The following ADAM23 variants were observed in gnomAD, a reference collection of about 807,000 sequenced individuals.
ADAM23 encodes the protein ADAM metallopeptidase domain 23, also known as disintegrin and metalloproteinase domain-containing protein 23.
In ADAM23, 33 loss-of-function variants were observed where a neutral mutation model predicts 120.1. The observed-to-expected ratio is 0.27, with a 90% CI of 0.21 to 0.37. ADAM23 has a LOEUF of 0.37. Ranked by LOEUF, ADAM23 falls within the 10% of genes least tolerant of loss-of-function variation. The pLI is 1.00. For synonymous variants in ADAM23, 367 were observed against 375.2 expected, an observed-to-expected ratio of 0.98 and a Z score of 0.25; for missense variants, 862 against 1,058.2, an observed-to-expected ratio of 0.81 and a Z score of 2.57.
chr2:206,455,633 T>C (rs1338733309), intron 2 of ADAM23, among the ~76,000 whole-genome samples: 1 of 152,210 alleles, frequency 6.6e-6, no homozygotes, highest in African/African-American at 2.4e-5. Context: ...TTCACGCATA[T>C]GGGCACATAC....
intron 3 of ADAM23, among the ~76,000 whole-genome samples, chr2:206,487,254 T>C (rs1450868768): frequency 6.6e-6 from 1 of 152,166 alleles, no homozygotes; most frequent in Non-Finnish European, 1.5e-5. Flanking sequence ...GAACTTATGA[T>C]CTGGTGAGAG....
At chr2:206,523,740 G>T (rs1696891702) in intron 3 of ADAM23, among the ~76,000 whole-genome samples, 1 of 152,048 alleles carries the variant, frequency 6.6e-6, no homozygotes, top group African/African-American at 2.4e-5. Context: ...TAGGATACAA[G>T]CTTATGTTTA....
intron 18 of ADAM23, among the ~76,000 whole-genome samples, chr2:206,576,853 T>G (rs1698125926): frequency 6.6e-6 from 1 of 152,178 alleles, no homozygotes; most frequent in African/African-American, 2.4e-5. Flanking sequence ...ATACAGATAT[T>G]TGAAAGATAG....
At position 206,443,910 on chromosome 2, in the gene ADAM23, G is replaced by T; in HGVS notation, c.44G>T (p.Gly15Val). 2 of 1,206,322 alleles carry T rather than the reference G, an allele frequency of 1.7e-6. No individual in the cohort carries two copies. The highest frequency in any genetic ancestry group is 2.1e-6 in the Non-Finnish European group (2 of 974,548). The allele number at this position is 1,206,322 out of a possible 1,614,324, so 74.7% of individuals were successfully genotyped here. A position where few individuals can be genotyped will look rare whatever the true frequency, so the allele number is the denominator to read the frequency against. The part of the protein sequence containing the change: ...GSSSRQPPLA[G>V]CSLAGASCGP... ...AGCTCGCGGCAGCCGCCCCTGGCGG[G>T]CTGCAGCCTTGCCGGCGCTTCCTGC... is the stretch of plus-strand genomic sequence containing the variant. Residue 15 changes from glycine (G) to valine (V), a missense_variant, in exon 1 of 26, where the codon GGC becomes GTC. Around this residue, in one of 4 missense-constraint regions of ADAM23, gnomAD observed 225 missense variants for 204.0 expected, o/e 1.10. Transcript: ENST00000264377.
intron 3 of ADAM23, among the ~76,000 whole-genome samples, chr2:206,524,066 G>C (rs1414991834): frequency 1.3e-5 from 2 of 152,060 alleles, no homozygotes; most frequent in Non-Finnish European, 2.9e-5. Context: ...GGTGTGATTA[G>C]GGCTCCCAGT....
intron 13 of ADAM23, among the ~76,000 whole-genome samples, chr2:206,564,133 CCTCT>C (rs947246669): frequency 7.9e-5 from 12 of 151,704 alleles, no homozygotes; most frequent in Admixed American, 2.6e-4. Flanking sequence ...TTTGCATATA[CCTCT>C]CTCTCTCTAT....
chr2:206,520,546 A>G, intron 3 of ADAM23, among the ~76,000 whole-genome samples: 1 of 151,912 alleles, frequency 6.6e-6, no homozygotes, highest in African/African-American at 2.4e-5. Context: ...TTTTTCTCTC[A>G]CTCAGTATCT....
intron 16 of ADAM23, among the ~76,000 whole-genome samples, 170 bp from the exon 17 acceptor site, chr2:206,571,557 G>A (rs1698000805): frequency 1.3e-5 from 2 of 152,202 alleles, no homozygotes; most frequent in Admixed American, 6.5e-5. Context: ...TTGGTGACAA[G>A]TATGGCAGGA....
chr2:206,569,107 G>T (rs987436764), intron 15 of ADAM23, among the ~76,000 whole-genome samples: 12 of 152,156 alleles, frequency 7.9e-5, no homozygotes, highest in African/African-American at 2.9e-4. Flanking sequence ...TGGCATTTTT[G>T]AATTGTAATG....
intron 18 of ADAM23, among the ~76,000 whole-genome samples, chr2:206,580,383 T>C (rs938283304): frequency 2.0e-5 from 3 of 152,198 alleles, no homozygotes; most frequent in African/African-American, 7.2e-5. Context: ...TACATTGAGG[T>C]ATGTCCCTTG....
chr2:206,479,723 A>G (rs1282966026), intron 2 of ADAM23, among the ~76,000 whole-genome samples: 1 of 152,102 alleles, frequency 6.6e-6, no homozygotes, highest in Non-Finnish European at 1.5e-5. Context: ...TTGTATGGAT[A>G]CAGGAAGCCC....
chr2:206,621,006 C>T lies in ADAM23; in HGVS notation c.*3379C>T, dbSNP rs1054001974. On this transcript the variant is annotated 3_prime_UTR_variant, in exon 26 of 26. Coordinates refer to ENST00000264377, the MANE Select transcript of ADAM23 (RefSeq NM_003812.4). ...GCTTTGTAATTTTTTAAGTGCACTACCTGAAATTTTGTTTGAAATTAATAA... is the reference window on the plus strand; with the variant it reads ...GCTTTGTAATTTTTTAAGTGCACTATCTGAAATTTTGTTTGAAATTAATAA... 1 of 152,146 alleles carries T rather than the reference C, an allele frequency of 6.6e-6. No individual in the cohort carries two copies. The highest frequency in any genetic ancestry group is 1.5e-5 in the Non-Finnish European group (1 of 68,022). The allele number at this position is 152,146 out of a possible 1,614,324, so 9.4% of individuals were successfully genotyped here. A position where few individuals can be genotyped will look rare whatever the true frequency, so the allele number is the denominator to read the frequency against.
chr2:206,567,469 T>G (rs1697912624), intron 15 of ADAM23, 147 bp downstream of exon 15: 1 of 564,230 alleles, frequency 1.8e-6, no homozygotes, highest in South Asian at 3.9e-5. Context: ...CTTATCATGT[T>G]AAAGATTGAG....
intron 24 of ADAM23, among the ~76,000 whole-genome samples, chr2:206,604,122 C>T (rs1017172466): frequency 3.3e-5 from 5 of 151,818 alleles, no homozygotes; most frequent in East Asian, 3.9e-4. Context: ...AAAAATTAGC[C>T]GGGTGTGGTG....
intron 15 of ADAM23, 57 bp downstream of exon 15, chr2:206,567,379 T>G: frequency 7.2e-7 from 1 of 1,397,746 alleles, no homozygotes; most frequent in South Asian, 1.2e-5. Context: ...TGTTTTACAG[T>G]GCAACAGTGC....
At chr2:206,465,616 A>T (rs1695527464) in intron 2 of ADAM23, among the ~76,000 whole-genome samples, 1 of 152,212 alleles carries the variant, frequency 6.6e-6, no homozygotes, top group African/African-American at 2.4e-5. Context: ...TATTGCCCAG[A>T]TATAGTTATT....
intron 3 of ADAM23, among the ~76,000 whole-genome samples, chr2:206,485,260 A>G (rs892185426): frequency 1.3e-5 from 2 of 152,142 alleles, no homozygotes; most frequent in Non-Finnish European, 2.9e-5. Context: ...AAAAAGTTTG[A>G]TATGTGTTAG....
At chr2:206,449,159 G>A (rs1283448116) in intron 2 of ADAM23, among the ~76,000 whole-genome samples, 2 of 152,196 alleles carry the variant, frequency 1.3e-5, no homozygotes, top group Non-Finnish European at 2.9e-5. Flanking sequence ...CCTCCCATAC[G>A]TCAGATGTCA....
chr2:206,553,415 G>A (rs923339986), intron 9 of ADAM23, among the ~76,000 whole-genome samples: 4 of 152,096 alleles, frequency 2.6e-5, no homozygotes, highest in African/African-American at 7.2e-5. Context: ...CAGCCTGGGC[G>A]ACAGAGTGAG....
Sources: gnomAD v4.1 joint callset for allele counts (sites outside exome capture counted in the v4.1 genomes callset) on GRCh38, gnomAD v4.1.1 for gene constraint, gnomAD v4.1.1 regional missense constraint, MANE v1.5 for transcripts, NCBI Gene and HGNC (gene_info 2026-07-23, HGNC 2026-07-21) for gene names.